The following CDK11B variants were observed in gnomAD, a reference collection of about 807,000 sequenced individuals.
The protein encoded by CDK11B is cyclin-dependent kinase 11B.
CDK11B carries 37 observed loss-of-function variants against 84.0 expected under a neutral mutation model. The ratio of observed to expected loss-of-function variants is 0.44; its 90% CI spans 0.34 to 0.58. CDK11B has a LOEUF of 0.58. Among genes scored for constraint, CDK11B ranks in the 20% least tolerant of loss-of-function variants. The pLI is 0.02. For missense variants in CDK11B, 427 were observed against 834.0 expected, an observed-to-expected ratio of 0.51 and a Z score of 6.01; for synonymous variants, 269 against 309.8, an observed-to-expected ratio of 0.87 and a Z score of 1.38.
At chr1:1,638,934 T>A (rs1639816175) in intron 11 of CDK11B, among the ~76,000 whole-genome samples, 1 of 148,350 alleles carries the variant, frequency 6.7e-6, no homozygotes, top group Non-Finnish European at 1.5e-5. Context: ...CACTCTGTTT[T>A]CTATTTTTTT....
chr1:1,657,063 TAGAG>T, intron 2 of CDK11B, among the ~76,000 whole-genome samples: 2 of 148,280 alleles, frequency 1.3e-5, no homozygotes. Flanking sequence ...TAAAAATACT[TAGAG>T]ATAGTATTAT....
rs373895675 is a variant in CDK11B at position 1,646,502 on chromosome 1, A to G, written c.495-1240T>C. On this transcript the variant is annotated intron_variant, in intron 5 of 19. Coordinates refer to ENST00000341832, the MANE Select transcript of CDK11B (RefSeq NM_033486.3). ...CAGTCCATTTATGCCACATACCATGACAACAGTGTAATTATTTTATACAAT... is the reference window on the plus strand; with the variant it reads ...CAGTCCATTTATGCCACATACCATGGCAACAGTGTAATTATTTTATACAAT... 4.4e-4 allele frequency: 226 copies of G among 519,014 alleles called. 2 individuals are homozygous for G. The highest frequency in any genetic ancestry group is 1.8e-3 in the South Asian group (129 of 71,552). The allele number at this position is 519,014 out of a possible 1,614,324, so 32.2% of individuals were successfully genotyped here. A position where few individuals can be genotyped will look rare whatever the true frequency, so the allele number is the denominator to read the frequency against.
At position 1,645,191 on chromosome 1, in the gene CDK11B, C is replaced by CGCT. The variant is rs779998087; in HGVS notation, c.563_565dup (p.Gln188dup). 5 of 984,930 alleles carry CGCT rather than the reference C, an allele frequency of 5.1e-6. No individual in the cohort carries two copies. The highest frequency in any genetic ancestry group is 1.9e-5 in the Admixed American group (1 of 52,804). 61.0% of individuals were successfully genotyped at this position (984,930 alleles called of 1,614,324 possible). The stretch of plus-strand genomic sequence containing the variant: ...CCGCCGCTCGCGCTCCTTCTGCTCC[C>CGCT]GCTGCTCCTTCTGCTGCTCCCGCAT... On this transcript the variant is annotated inframe_insertion, in exon 6 of 20. Coordinates refer to ENST00000341832, the MANE Select transcript of CDK11B (RefSeq NM_033486.3).
intron 2 of CDK11B, 94 bp from the exon 3 acceptor site, chr1:1,655,578 A>T (rs1477896494): frequency 7.6e-6 from 11 of 1,442,838 alleles, no homozygotes; most frequent in African/African-American, 1.4e-5. Context: ...CCTGGGCAAC[A>T]TCCCAAAACA....
chr1:1,636,657 G>A (rs762196646), intron 17 of CDK11B, 25 bp downstream of exon 17: 14 of 1,613,232 alleles, frequency 8.7e-6, no homozygotes, highest in African/African-American at 1.3e-5. Context: ...ACCCCACAGC[G>A]CACCTGCAGC....
chr1:1,649,483 G>T lies in CDK11B; in HGVS notation c.494+16C>A. ...CAGCCCTTTTATAAAGTCCTCAACT[G>T]ACCCAGCCGACTCACCTTTCTCTCC... On this transcript the variant is annotated intron_variant, in intron 5 of 19. Coordinates refer to ENST00000341832, the MANE Select transcript of CDK11B (RefSeq NM_033486.3). 6.5e-7 allele frequency: 1 copy of T among 1,545,340 alleles called. No homozygotes were observed.
rs577889826 is a variant in CDK11B at position 1,637,693 on chromosome 1, C to T, written c.1464+69G>A. On this transcript the variant is annotated intron_variant, in intron 13 of 19. Coordinates refer to ENST00000341832, the MANE Select transcript of CDK11B (RefSeq NM_033486.3). Reference sequence around the variant, plus strand: ...AGGAGAGTGTAGGAAGCACCCGGCCCCAGGACAGCACGGGGCCCTGTCAGA... The same window carrying T: ...AGGAGAGTGTAGGAAGCACCCGGCCTCAGGACAGCACGGGGCCCTGTCAGA... The T allele has an allele frequency of 1.4e-3, 2,275 of 1,605,154 alleles. 7 individuals carry two copies. The highest frequency in any genetic ancestry group is 3.5e-3 in the Middle Eastern group (21 of 6,006).
chr1:1,650,640 C>T (rs1487858274), intron 4 of CDK11B, among the ~76,000 whole-genome samples: 16 of 146,184 alleles, frequency 1.1e-4, no homozygotes, highest in African/African-American at 3.0e-4. Context: ...GTGGGGATTA[C>T]AGTTGTGAGC....
rs1639452548 is a variant in CDK11B at position 1,637,102 on chromosome 1, C to T, written c.1671G>A (p.Leu557=). 1 of 1,613,518 alleles carries T rather than the reference C, an allele frequency of 6.2e-7. No homozygotes were observed. The highest frequency in any genetic ancestry group is 8.5e-7 in the Non-Finnish European group (1 of 1,179,860). The change falls in exon 15 of 20, where the codon CTG becomes CTA. Residue 557 remains leucine, a synonymous_variant. Transcript: ENST00000341832. Reference sequence around the variant, plus strand: ...TCACCTTGAGGATGCCGGCGTGGCTCAGCAGCAGGTTGGACGTCTTGAGGT... The same window carrying T: ...TCACCTTGAGGATGCCGGCGTGGCTTAGCAGCAGGTTGGACGTCTTGAGGT... The part of the protein sequence containing the change: ...HRDLKTSNLL[L]SHAGILKVGD...
At chr1:1,636,544 C>T (rs1426917363) in intron 17 of CDK11B, 63 bp from the exon 18 acceptor site, 84 of 1,577,532 alleles carry the variant, frequency 5.3e-5, no homozygotes, top group Middle Eastern at 3.3e-4. Context: ...ACCTGTGTCC[C>T]GTCAGAGAAG....
At chr1:1,650,064 A>AGT (rs1641734833) in intron 4 of CDK11B, among the ~76,000 whole-genome samples, 6 of 149,846 alleles carry the variant, frequency 4.0e-5, no homozygotes, top group East Asian at 2.0e-4. Context: ...ACAAGGTCAG[A>AGT]TCGGGACCAT....
chr1:1,644,171 C>CAATG (rs1296049267), intron 6 of CDK11B, among the ~76,000 whole-genome samples: 1 of 151,202 alleles, frequency 6.6e-6, no homozygotes, highest in Non-Finnish European at 1.5e-5. Context: ...GGCCAGAAGA[C>CAATG]AATGGGCTGA....
At chr1:1,657,007 A>T (rs1383718855) in intron 2 of CDK11B, among the ~76,000 whole-genome samples, 1 of 152,256 alleles carries the variant, frequency 6.6e-6, no homozygotes, top group Non-Finnish European at 1.5e-5. Flanking sequence ...AAACCAAGAA[A>T]GATGTAAAAT....
chr1:1,640,498 C>T, intron 10 of CDK11B, 46 bp from the exon 11 acceptor site: 2 of 1,613,588 alleles, frequency 1.2e-6, no homozygotes, highest in East Asian at 2.2e-5. Flanking sequence ...AAGCAAGGAT[C>T]ATGAACCTCC....
intron 2 of CDK11B, 136 bp downstream of exon 2, chr1:1,657,239 A>C (rs1570261484): frequency 6.2e-7 from 1 of 1,614,004 alleles, no homozygotes; most frequent in East Asian, 2.2e-5. Flanking sequence ...AATTTTTAGA[A>C]TAGATTTTGG....
At chr1:1,640,883 C>A (rs879785574) in intron 10 of CDK11B, among the ~76,000 whole-genome samples, 165 bp downstream of exon 10, 49 of 151,182 alleles carry the variant, frequency 3.2e-4, no homozygotes, top group Non-Finnish European at 6.8e-4. Context: ...CTGTGCCTCG[C>A]TGAGGAATGC....
At chr1:1,641,017 G>C in intron 10 of CDK11B, 31 bp downstream of exon 10, 5 of 1,583,280 alleles carry the variant, frequency 3.2e-6, no homozygotes, top group Non-Finnish European at 4.3e-6. Context: ...GACAGACAAG[G>C]AGGGGGCTCT....
At chr1:1,637,301 C>A in intron 14 of CDK11B, 99 bp from the exon 15 acceptor site, 2 of 1,570,326 alleles carry the variant, frequency 1.3e-6, no homozygotes. Flanking sequence ...CTTCTCAGGG[C>A]TTTCCCTGTG....
intron 4 of CDK11B, among the ~76,000 whole-genome samples, chr1:1,650,960 T>A (rs1641930823): frequency 6.6e-6 from 1 of 152,208 alleles, no homozygotes; most frequent in Admixed American, 6.5e-5. Context: ...GAATAAACTA[T>A]AATTATCAGT....
Sources: gnomAD v4.1 joint callset for allele counts (sites outside exome capture counted in the v4.1 genomes callset) on GRCh38, gnomAD v4.1.1 for gene constraint, MANE v1.5 for transcripts, NCBI Gene and HGNC (gene_info 2026-07-23, HGNC 2026-07-21) for gene names.